Variants in RANBP2 observed in about 807,000 individuals in gnomAD.
RANBP2 encodes the protein E3 SUMO-protein ligase RanBP2.
A neutral mutation model predicts 303.6 loss-of-function variants in RANBP2; 57 were observed. That is an observed-to-expected ratio of 0.19 (90% CI 0.15 to 0.23). The LOEUF (loss-of-function observed/expected upper bound fraction) is 0.23. RANBP2 is among the 10% of genes least tolerant of loss of function. The pLI, the probability that RANBP2 is intolerant of heterozygous loss-of-function variation, is 1.00. For missense variants in RANBP2, 3,138 were observed against 3,780.8 expected, an observed-to-expected ratio of 0.83 and a Z score of 4.46; for synonymous variants, 1,167 against 1,301.5, an observed-to-expected ratio of 0.90 and a Z score of 2.23.
At chr2:109,311,534 G>A in the RANBP2 span, among the ~76,000 whole-genome samples, 1 of 151,944 alleles carries the variant, frequency 6.6e-6, no homozygotes, top group Non-Finnish European at 1.5e-5. Context: ...ATTCAATGAG[G>A]AAAAGAGGAA....
At chr2:108,896,855 C>A in the RANBP2 span, 1 of 1,559,046 alleles carries the variant, frequency 6.4e-7, no homozygotes, top group Admixed American at 1.8e-5. Flanking sequence ...AGCTCCAGAG[C>A]CCTCGTTGGC....
At chr2:109,242,617 C>A in the RANBP2 span, among the ~76,000 whole-genome samples, 1 of 152,234 alleles carries the variant, frequency 6.6e-6, no homozygotes, top group African/African-American at 2.4e-5. Flanking sequence ...TTTGACTTTT[C>A]CTTACTGGGC....
chr2:109,691,790 G>GT, the RANBP2 span, among the ~76,000 whole-genome samples: 19,794 of 149,774 alleles, frequency 0.13, 1,365 homozygotes, highest in South Asian at 0.2. Context: ...AGTTTTTTTG[G>GT]TTTTTTTTTT....
the RANBP2 span, among the ~76,000 whole-genome samples, chr2:109,492,476 A>G: frequency 1.3e-5 from 2 of 152,280 alleles, no homozygotes; most frequent in South Asian, 2.1e-4. Context: ...CACAGGGGTG[A>G]CGTTCAGAAC....
chr2:109,202,726 C>T, the RANBP2 span, among the ~76,000 whole-genome samples: 8 of 152,298 alleles, frequency 5.3e-5, no homozygotes, highest in South Asian at 1.4e-3. Context: ...GGAAACGCCA[C>T]GGCCTTCCCG....
chr2:109,532,061 C>T, the RANBP2 span, among the ~76,000 whole-genome samples: 1 of 152,238 alleles, frequency 6.6e-6, no homozygotes, highest in South Asian at 2.1e-4. Context: ...AGGCCAGAGA[C>T]AGTCCAGATG....
chr2:109,144,044 C>T, the RANBP2 span, among the ~76,000 whole-genome samples: 53 of 152,162 alleles, frequency 3.5e-4, no homozygotes, highest in Non-Finnish European at 5.7e-4. Context: ...TACGAGGCGC[C>T]GGAAGTGTGG....
chr2:108,990,574 C>A, the RANBP2 span, among the ~76,000 whole-genome samples: 74 of 151,976 alleles, frequency 4.9e-4, no homozygotes, highest in East Asian at 0.014. Context: ...CCAGCCTGGG[C>A]AACAGAGCGA....
the RANBP2 span, among the ~76,000 whole-genome samples, chr2:109,157,362 T>C: frequency 1.3e-5 from 2 of 152,220 alleles, no homozygotes; most frequent in Non-Finnish European, 2.9e-5. Flanking sequence ...TTGCATTCGC[T>C]TTATAGACTC....
chr2:108,900,570 A>AC, the RANBP2 span, among the ~76,000 whole-genome samples: 360 of 91,588 alleles, frequency 3.9e-3, 5 homozygotes, highest in African/African-American at 9.6e-3. Context: ...GAAAAAAAAA[A>AC]AAACAAAAAA....
chr2:109,482,118 G>A, the RANBP2 span, among the ~76,000 whole-genome samples: 2 of 152,082 alleles, frequency 1.3e-5, no homozygotes, highest in Admixed American at 6.5e-5. Flanking sequence ...GTTCGAATGC[G>A]GCTTGTGCAG....
At chr2:108,905,395 A>C in the RANBP2 span, among the ~76,000 whole-genome samples, 1 of 152,196 alleles carries the variant, frequency 6.6e-6, no homozygotes, top group African/African-American at 2.4e-5. Context: ...GTTTATGGAG[A>C]GATGCCACAT....
chr2:109,471,099 A>C, the RANBP2 span, among the ~76,000 whole-genome samples: 1 of 151,724 alleles, frequency 6.6e-6, no homozygotes, highest in Admixed American at 6.6e-5. Flanking sequence ...AGGTGCCTCT[A>C]ATCCCAGCTA....
chr2:109,114,555 C>G, the RANBP2 span, among the ~76,000 whole-genome samples: 2 of 151,816 alleles, frequency 1.3e-5, no homozygotes, highest in African/African-American at 4.8e-5. Flanking sequence ...AGCGGTCTAT[C>G]AATTTTGTTG....
chr2:109,636,497 A>G, the RANBP2 span, among the ~76,000 whole-genome samples: 4 of 152,178 alleles, frequency 2.6e-5, no homozygotes, highest in Admixed American at 6.6e-5. Flanking sequence ...CAAAATGCCA[A>G]TATTGTAGAG....
At chr2:109,603,270 T>C in the RANBP2 span, among the ~76,000 whole-genome samples, 544 of 152,098 alleles carry the variant, frequency 3.6e-3, 1 homozygote, top group Middle Eastern at 0.014. Flanking sequence ...AGTCTCACTG[T>C]GTCACCCAGG....
the RANBP2 span, among the ~76,000 whole-genome samples, chr2:109,573,668 C>G: frequency 6.6e-6 from 1 of 152,242 alleles, no homozygotes; most frequent in South Asian, 2.1e-4. Context: ...AGTTAGTAAC[C>G]AGGATCATGA....
the RANBP2 span, among the ~76,000 whole-genome samples, chr2:109,130,784 G>C: frequency 6.6e-6 from 1 of 152,022 alleles, no homozygotes; most frequent in African/African-American, 2.4e-5. Flanking sequence ...TATTATTTTT[G>C]GTACAGCCGC....
the RANBP2 span, among the ~76,000 whole-genome samples, chr2:108,872,908 C>T: frequency 3.4e-4 from 52 of 152,254 alleles, no homozygotes; most frequent in African/African-American, 1.1e-3. Flanking sequence ...ATAGCTTCAA[C>T]ATAAAAGTCC....
Sources: allele counts gnomAD v4.1 joint callset (sites outside exome capture counted in the v4.1 genomes callset), GRCh38; gene constraint gnomAD v4.1.1; transcripts MANE v1.5; gene names NCBI Gene and HGNC (gene_info 2026-07-23, HGNC 2026-07-21).